Variants in NCKAP5 observed in about 807,000 individuals in gnomAD.
NCKAP5 encodes the protein NCK associated protein 5.
In NCKAP5, 92 loss-of-function variants were observed where a neutral mutation model predicts 167.0. The observed-to-expected ratio is 0.55, with a 90% CI of 0.47 to 0.66. The LOEUF (loss-of-function observed/expected upper bound fraction) is 0.66. Among genes scored for constraint, NCKAP5 ranks in the 30% least tolerant of loss-of-function variants. The pLI is 0.00. For missense variants in NCKAP5, 2,378 were observed against 2,315.0 expected, an observed-to-expected ratio of 1.03 and a Z score of -0.56; for synonymous variants, 891 against 877.4, an observed-to-expected ratio of 1.02 and a Z score of -0.27.
intron 4 of NCKAP5, among the ~76,000 whole-genome samples, chr2:133,219,353 G>A (rs748516910): frequency 6.6e-6 from 1 of 152,198 alleles, no homozygotes; most frequent in Non-Finnish European, 1.5e-5. Context: ...AGCAGAATTT[G>A]CAAGAACAGC....
At chr2:133,270,157 G>T (rs1055170033) in intron 4 of NCKAP5, among the ~76,000 whole-genome samples, 2 of 152,146 alleles carry the variant, frequency 1.3e-5, no homozygotes, top group South Asian at 4.1e-4. Flanking sequence ...TTATGGTGGT[G>T]ATTATTATTG....
chr2:133,029,807 A>G (rs1427440110), intron 6 of NCKAP5, among the ~76,000 whole-genome samples: 1 of 152,222 alleles, frequency 6.6e-6, no homozygotes, highest in Non-Finnish European at 1.5e-5. Context: ...TGGTGCCAGA[A>G]GATGCTCCCT....
At chr2:132,726,614 A>G (rs1690480996) in intron 18 of NCKAP5, among the ~76,000 whole-genome samples, 1 of 152,222 alleles carries the variant, frequency 6.6e-6, no homozygotes, top group Non-Finnish European at 1.5e-5. Flanking sequence ...CAGATGCATT[A>G]GATGGGTCTC....
At chr2:133,224,829 A>G (rs1376891565) in intron 4 of NCKAP5, among the ~76,000 whole-genome samples, 1 of 152,172 alleles carries the variant, frequency 6.6e-6, no homozygotes, top group Non-Finnish European at 1.5e-5. Flanking sequence ...AACTCTTGCA[A>G]TTACTTCTTC....
At chr2:132,823,862 A>G in intron 11 of NCKAP5, among the ~76,000 whole-genome samples, 1 of 152,190 alleles carries the variant, frequency 6.6e-6, no homozygotes, top group Non-Finnish European at 1.5e-5. Flanking sequence ...GGGTGGAAAA[A>G]TATACTCCAT....
In NCKAP5 at chr2:133,143,572, G is replaced by T. The variant is rs114822503; in HGVS notation, c.208-13461C>A. Among the ~76,000 whole-genome samples the T allele has an allele frequency of 2.3e-3, 347 of 152,216 alleles. 4 individuals carry two copies. The highest frequency in any genetic ancestry group is 7.8e-3 in the African/African-American group (322 of 41,530). On this transcript the variant is annotated intron_variant, in intron 5 of 19. Coordinates refer to ENST00000409261, the MANE Select transcript of NCKAP5 (RefSeq NM_207363.3). ...CAGCAGCCCTACTGATGATACGTAA[G>T]ACAGGGAAACATGTATGTACAATTA...
the NCKAP5 span, among the ~76,000 whole-genome samples, chr2:133,591,449 C>A: frequency 6.6e-6 from 1 of 152,188 alleles, no homozygotes; most frequent in Non-Finnish European, 1.5e-5. Flanking sequence ...GAAACACAGA[C>A]CCACGTGTTT....
rs1365625783 is a variant in NCKAP5 at position 133,189,876 on chromosome 2, C to T, written c.207+23840G>A. On this transcript the variant is annotated intron_variant, in intron 5 of 19. Coordinates refer to ENST00000409261, the MANE Select transcript of NCKAP5 (RefSeq NM_207363.3). ...TGAAAACTGGCACAAGACAGGGATG[C>T]CCTCTCTCACCACTCCTATTCAACA... Among the ~76,000 whole-genome samples, 3 of 152,130 alleles carry T rather than the reference C, an allele frequency of 2.0e-5. No individual in the cohort carries two copies. In the East Asian group the frequency reaches 5.8e-4, roughly 29 times the overall value.
intron 19 of NCKAP5, among the ~76,000 whole-genome samples, chr2:132,685,987 G>A (rs1337438959): frequency 6.6e-6 from 1 of 152,124 alleles, no homozygotes; most frequent in African/African-American, 2.4e-5. Context: ...GGGAAGAGGT[G>A]GGAGAGTCAG....
At chr2:132,751,775 A>G (rs1182338105) in intron 16 of NCKAP5, among the ~76,000 whole-genome samples, 1 of 152,154 alleles carries the variant, frequency 6.6e-6, no homozygotes, top group East Asian at 1.9e-4. Context: ...GGGTTGGTGA[A>G]AAGTGGGGAT....
In NCKAP5 at chr2:133,200,016, T is replaced by A. The variant is rs181322108; in HGVS notation, c.207+13700A>T. Among the ~76,000 whole-genome samples the A allele has an allele frequency of 1.2e-3, 184 of 149,912 alleles. 3 individuals carry two copies. In the East Asian group the frequency reaches 0.025, roughly 21 times the overall value. ...ACCCAACAGAACTAATTTGATCCAT[T>A]CAATGCAATTCCTATCAAAATCCCA... On this transcript the variant is annotated intron_variant, in intron 5 of 19. Transcript: ENST00000409261.
chr2:133,473,315 G>A (rs1450738718), intron 3 of NCKAP5, among the ~76,000 whole-genome samples: 1 of 151,326 alleles, frequency 6.6e-6, no homozygotes, highest in East Asian at 1.9e-4. Context: ...CTGGGCGACA[G>A]AGCGAGACTC....
At chr2:132,979,302 T>C (rs775804970) in intron 7 of NCKAP5, among the ~76,000 whole-genome samples, 15 of 152,166 alleles carry the variant, frequency 9.9e-5, no homozygotes, top group Non-Finnish European at 1.9e-4. Context: ...GATTTTCTAT[T>C]TCTAGGAAGG....
intron 6 of NCKAP5, among the ~76,000 whole-genome samples, chr2:133,056,636 T>C (rs916086805): frequency 2.0e-5 from 3 of 152,202 alleles, no homozygotes; most frequent in African/African-American, 7.2e-5. Flanking sequence ...ATGGGCTTCT[T>C]TTATTCTTTA....
chr2:133,332,561 A>AAT (rs1173857491), intron 3 of NCKAP5, among the ~76,000 whole-genome samples: 18 of 152,194 alleles, frequency 1.2e-4, no homozygotes, highest in Admixed American at 1.2e-3. Flanking sequence ...TCATATAGTC[A>AAT]ATATATATAA....
chr2:133,387,348 T>G lies in NCKAP5; in HGVS notation c.70-84238A>C, dbSNP rs536274947. On this transcript the variant is annotated intron_variant, in intron 3 of 19. Transcript: ENST00000409261. The stretch of plus-strand genomic sequence containing the variant: ...ATGAAATTCTGGGTTGAAAATTCTT[T>G]TCTTTAAGAATGTTGAATATTGGCC... Among the ~76,000 whole-genome samples, 246 of 152,328 alleles carry G rather than the reference T, an allele frequency of 1.6e-3. No individual in the cohort carries two copies. In the Middle Eastern group the frequency reaches 0.024, roughly 15 times the overall value.
intron 5 of NCKAP5, among the ~76,000 whole-genome samples, chr2:133,195,713 A>G (rs944523334): frequency 3.9e-5 from 6 of 152,216 alleles, no homozygotes; most frequent in African/African-American, 1.4e-4. Flanking sequence ...CAGAAAAAAA[A>G]TTGTGACAAA....
At chr2:133,504,492 A>T (rs1682824448) in intron 3 of NCKAP5, among the ~76,000 whole-genome samples, 1 of 151,954 alleles carries the variant, frequency 6.6e-6, no homozygotes, top group Non-Finnish European at 1.5e-5. Flanking sequence ...CCAAATTAGA[A>T]GCAGGCTGAA....
chr2:132,923,685 TA>T (rs1461932816), intron 8 of NCKAP5, among the ~76,000 whole-genome samples: 5 of 152,056 alleles, frequency 3.3e-5, no homozygotes, highest in African/African-American at 1.2e-4. Flanking sequence ...TAAATGAAAA[TA>T]AAAGGACAGT....
Sources: gnomAD v4.1 joint callset for allele counts (sites outside exome capture counted in the v4.1 genomes callset) on GRCh38, gnomAD v4.1.1 for gene constraint, MANE v1.5 for transcripts, NCBI Gene and HGNC (gene_info 2026-07-23, HGNC 2026-07-21) for gene names.